Variants in PGCKA1 observed in about 807,000 individuals in gnomAD.
PGCKA1 encodes the protein PDCD10 and GCKIII kinases associated 1.
At chr4:37,583,603 AT>A in the PGCKA1 span, among the ~76,000 whole-genome samples, 3 of 151,290 alleles carry the variant, frequency 2.0e-5, no homozygotes, top group South Asian at 6.3e-4. Context: ...CGCCCAGCTA[AT>A]TTTTTTTTAT....
the PGCKA1 span, among the ~76,000 whole-genome samples, chr4:37,507,543 AAG>A: frequency 6.6e-6 from 1 of 152,182 alleles, no homozygotes; most frequent in African/African-American, 2.4e-5. Flanking sequence ...AACTAACAAA[AAG>A]AAAAGTAACC....
chr4:37,532,571 AT>A, the PGCKA1 span, among the ~76,000 whole-genome samples: 3 of 151,484 alleles, frequency 2.0e-5, no homozygotes, highest in East Asian at 1.9e-4. Context: ...TACAGTAAGC[AT>A]TTTTTTTCCA....
the PGCKA1 span, among the ~76,000 whole-genome samples, chr4:37,473,169 G>C: frequency 6.6e-6 from 1 of 152,108 alleles, no homozygotes; most frequent in Non-Finnish European, 1.5e-5. Context: ...CCCAAATTTT[G>C]GGGGAAAGCA....
At chr4:37,454,613 T>A in the PGCKA1 span, among the ~76,000 whole-genome samples, 2 of 152,072 alleles carry the variant, frequency 1.3e-5, no homozygotes, top group African/African-American at 2.4e-5. Flanking sequence ...CCTCACGTAG[T>A]GAAAAGAGGG....
At chr4:37,533,674 T>A in the PGCKA1 span, among the ~76,000 whole-genome samples, 1 of 152,254 alleles carries the variant, frequency 6.6e-6, no homozygotes, top group Non-Finnish European at 1.5e-5. Context: ...ATCCTTCCAA[T>A]ATTTTCTGGA....
chr4:37,589,136 G>T, the PGCKA1 span, among the ~76,000 whole-genome samples: 1 of 152,110 alleles, frequency 6.6e-6, no homozygotes, highest in Non-Finnish European at 1.5e-5. Context: ...ATTTTCTGAG[G>T]CTGAATTTGG....
chr4:37,490,189 T>G, the PGCKA1 span, among the ~76,000 whole-genome samples: 1 of 152,136 alleles, frequency 6.6e-6, no homozygotes, highest in African/African-American at 2.4e-5. Flanking sequence ...TGCATAATTC[T>G]CATAACAACC....
At chr4:37,478,318 G>C in the PGCKA1 span, among the ~76,000 whole-genome samples, 1 of 152,034 alleles carries the variant, frequency 6.6e-6, no homozygotes, top group East Asian at 1.9e-4. Flanking sequence ...AATAATGGCT[G>C]ATAAGGGAAA....
chr4:37,471,738 G>A, the PGCKA1 span, among the ~76,000 whole-genome samples: 1 of 152,144 alleles, frequency 6.6e-6, no homozygotes, highest in African/African-American at 2.4e-5. Context: ...GGCAAGGAAG[G>A]CTTTTCAGAG....
At chr4:37,561,238 C>T in the PGCKA1 span, among the ~76,000 whole-genome samples, 1 of 152,204 alleles carries the variant, frequency 6.6e-6, no homozygotes, top group African/African-American at 2.4e-5. Context: ...TCTTCCCAAT[C>T]CTCCTTATAT....
At chr4:37,510,077 CTT>C in the PGCKA1 span, among the ~76,000 whole-genome samples, 1 of 152,136 alleles carries the variant, frequency 6.6e-6, no homozygotes, top group South Asian at 2.1e-4. Context: ...ATTTTAATCT[CTT>C]TGTTAAATTT....
chr4:37,543,574 G>A, the PGCKA1 span, among the ~76,000 whole-genome samples: 1 of 151,962 alleles, frequency 6.6e-6, no homozygotes, highest in South Asian at 2.1e-4. Context: ...GGGCGCGGTG[G>A]CTCACACCTA....
At chr4:37,558,725 A>C in the PGCKA1 span, among the ~76,000 whole-genome samples, 2 of 116,146 alleles carry the variant, frequency 1.7e-5, no homozygotes, top group African/African-American at 3.6e-5. Context: ...CAGAATCTAC[A>C]ATGAACTCAA....
the PGCKA1 span, among the ~76,000 whole-genome samples, chr4:37,545,848 C>A: frequency 6.6e-6 from 1 of 152,198 alleles, no homozygotes; most frequent in African/African-American, 2.4e-5. Context: ...AATAATAATT[C>A]TAATAATTCC....
At chr4:37,533,904 T>C in the PGCKA1 span, among the ~76,000 whole-genome samples, 1 of 152,236 alleles carries the variant, frequency 6.6e-6, no homozygotes, top group South Asian at 2.1e-4. Context: ...GGCAGAATTT[T>C]GTTCTGGTTT....
chr4:37,587,666 C>T, the PGCKA1 span, among the ~76,000 whole-genome samples: 1 of 152,164 alleles, frequency 6.6e-6, no homozygotes, highest in South Asian at 2.1e-4. Context: ...TCTGTTTTGG[C>T]TTGTCTTTTT....
the PGCKA1 span, among the ~76,000 whole-genome samples, chr4:37,484,921 G>A: frequency 3.4e-3 from 518 of 152,340 alleles, 5 homozygotes; most frequent in African/African-American, 0.012. Flanking sequence ...TTTTGTTAAA[G>A]TAGCCTGAAC....
At chr4:37,494,455 A>G in the PGCKA1 span, among the ~76,000 whole-genome samples, 9 of 152,146 alleles carry the variant, frequency 5.9e-5, no homozygotes, top group African/African-American at 2.2e-4. Flanking sequence ...AGGACATGAT[A>G]TTGTTCCTTT....
chr4:37,525,768 T>C, the PGCKA1 span, among the ~76,000 whole-genome samples: 1,561 of 152,328 alleles, frequency 0.01, 8 homozygotes, highest in Non-Finnish European at 0.016. Context: ...TCCCTGTTCA[T>C]ACAGGGTCAG....
Sources: allele counts gnomAD v4.1 joint callset (sites outside exome capture counted in the v4.1 genomes callset), GRCh38; gene constraint gnomAD v4.1.1; transcripts MANE v1.5; gene names NCBI Gene and HGNC (gene_info 2026-07-23, HGNC 2026-07-21).